AKT3: variants seen among roughly 807,000 people sequenced by gnomAD.
The protein encoded by AKT3 is RAC-gamma serine/threonine-protein kinase.
AKT3 carries 15 observed loss-of-function variants against 65.3 expected under a neutral mutation model. The ratio of observed to expected loss-of-function variants is 0.23; its 90% CI spans 0.15 to 0.35. AKT3 has a LOEUF of 0.35. Among genes scored for constraint, AKT3 ranks in the 10% least tolerant of loss-of-function variants. The probability of loss-of-function intolerance (pLI) is 1.00; values close to 1 mark genes in which losing one functional copy is unlikely to be tolerated. For synonymous variants in AKT3, 206 were observed against 183.8 expected (o/e 1.12, Z -0.98); for missense variants, 243 against 576.5 (o/e 0.42, Z 5.92).
chr1:243,492,387 C>T (rs1262672434), intron 13 of AKT3, among the ~76,000 whole-genome samples: 6 of 146,670 alleles, frequency 4.1e-5, no homozygotes, highest in African/African-American at 1.0e-4. Flanking sequence ...CTGCAACCTC[C>T]GCCTCCCGGC....
intron 1 of AKT3, among the ~76,000 whole-genome samples, chr1:243,849,367 AC>A (rs1695652949): frequency 6.7e-6 from 1 of 148,242 alleles, no homozygotes; most frequent in Admixed American, 6.7e-5. Flanking sequence ...CAAGCACGTT[AC>A]CCACCTCCCA....
chr1:243,498,896 G>T (rs756862792), downstream of AKT3, among the ~76,000 whole-genome samples: 11 of 152,236 alleles, frequency 7.2e-5, no homozygotes, highest in Non-Finnish European at 1.3e-4. Flanking sequence ...TTTATCTGAC[G>T]TAGAAACCGG....
chr1:243,561,778 C>A (rs1286504000), intron 10 of AKT3, among the ~76,000 whole-genome samples: 1 of 152,156 alleles, frequency 6.6e-6, no homozygotes, highest in Non-Finnish European at 1.5e-5. Flanking sequence ...ACCTTTGCAA[C>A]AGGTACCATC....
intron 6 of AKT3, among the ~76,000 whole-genome samples, chr1:243,620,523 CTTTT>C (rs986707716): frequency 4.9e-5 from 6 of 122,476 alleles, no homozygotes; most frequent in African/African-American, 1.3e-4. Context: ...GCAATGTATA[CTTTT>C]TTTTTTCCTG....
At chr1:243,850,616 T>G (rs912555462), upstream of AKT3, among the ~76,000 whole-genome samples, 1 of 149,894 alleles carries the variant, frequency 6.7e-6, no homozygotes, top group Non-Finnish European at 1.5e-5. Flanking sequence ...CGGGGCTTGT[T>G]GTTGACTTTG....
At chr1:243,680,408 G>A (rs1364188885) in intron 3 of AKT3, among the ~76,000 whole-genome samples, 1 of 151,914 alleles carries the variant, frequency 6.6e-6, no homozygotes, top group African/African-American at 2.4e-5. Context: ...TTCCAAACAG[G>A]CACCCTAGTC....
intron 2 of AKT3, among the ~76,000 whole-genome samples, chr1:243,724,636 G>C (rs533474806): frequency 6.6e-6 from 1 of 152,058 alleles, no homozygotes; most frequent in African/African-American, 2.4e-5. Context: ...AGACCCACAA[G>C]TTCTAATTTC....
chr1:243,490,810 C>G (rs1574390514), intron 13 of AKT3, among the ~76,000 whole-genome samples: 2 of 152,344 alleles, frequency 1.3e-5, no homozygotes, highest in East Asian at 1.9e-4. Context: ...CTCCCCTCTG[C>G]TTTCAGGATG....
intron 2 of AKT3, among the ~76,000 whole-genome samples, chr1:243,728,784 G>A (rs1327601186): frequency 6.6e-6 from 1 of 152,192 alleles, no homozygotes; most frequent in African/African-American, 2.4e-5. Flanking sequence ...GGACTCTAAG[G>A]CAAGAGTCAT....
At chr1:243,699,192 T>G (rs1685257739) in intron 2 of AKT3, among the ~76,000 whole-genome samples, 1 of 151,994 alleles carries the variant, frequency 6.6e-6, no homozygotes, top group Non-Finnish European at 1.5e-5. Flanking sequence ...AAACACAGAA[T>G]TTGCATCTAA....
intron 3 of AKT3, among the ~76,000 whole-genome samples, chr1:243,681,434 T>C (rs1683911016): frequency 6.6e-6 from 1 of 152,166 alleles, no homozygotes. Context: ...ACTCTACAGA[T>C]GACAAAATTC....
chr1:243,682,655 C>G (rs1414402385), intron 3 of AKT3, among the ~76,000 whole-genome samples: 2 of 152,120 alleles, frequency 1.3e-5, no homozygotes, highest in Admixed American at 6.6e-5. Flanking sequence ...ATTTTTCACT[C>G]TATACAGGGA....
At chr1:243,496,210 G>A (rs1667812907), downstream of AKT3, among the ~76,000 whole-genome samples, 1 of 152,254 alleles carries the variant, frequency 6.6e-6, no homozygotes, top group South Asian at 2.1e-4. Flanking sequence ...GCTGGGCAGG[G>A]AAATGAACTT....
At chr1:243,760,511 G>T (rs1270425969) in intron 2 of AKT3, among the ~76,000 whole-genome samples, 2 of 151,946 alleles carry the variant, frequency 1.3e-5, no homozygotes, top group African/African-American at 2.4e-5. Context: ...TTCTGTATTT[G>T]CAAATTCACC....
chr1:243,598,627 A>G (rs1219279634), intron 8 of AKT3, among the ~76,000 whole-genome samples: 1 of 152,198 alleles, frequency 6.6e-6, no homozygotes, highest in Non-Finnish European at 1.5e-5. Flanking sequence ...GACTGCATCT[A>G]CAGCCGTGCC....
At chr1:243,705,478 A>C (rs1685740261) in intron 2 of AKT3, among the ~76,000 whole-genome samples, 1 of 152,188 alleles carries the variant, frequency 6.6e-6, no homozygotes, top group African/African-American at 2.4e-5. Flanking sequence ...TGACTAATCA[A>C]ATCCTTGTTC....
At chr1:243,693,688 T>C (rs1684868233) in intron 3 of AKT3, among the ~76,000 whole-genome samples, 1 of 152,164 alleles carries the variant, frequency 6.6e-6, no homozygotes, top group Non-Finnish European at 1.5e-5. Context: ...AGGTTGGAAT[T>C]TGAACTACTT....
chr1:243,750,434 C>G (rs796211243), intron 2 of AKT3, among the ~76,000 whole-genome samples: 7 of 150,728 alleles, frequency 4.6e-5, no homozygotes, highest in African/African-American at 1.7e-4. Context: ...CACACACACA[C>G]GCACGCACGC....
intron 13 of AKT3, among the ~76,000 whole-genome samples, chr1:243,506,508 G>A (rs1669676227): frequency 6.6e-6 from 1 of 152,252 alleles, no homozygotes; most frequent in Non-Finnish European, 1.5e-5. Context: ...CTGTCACTCC[G>A]AAGAGGAGGG....
Sources: gnomAD v4.1 joint callset for allele counts (sites outside exome capture counted in the v4.1 genomes callset) on GRCh38, gnomAD v4.1.1 for gene constraint, MANE v1.5 for transcripts, NCBI Gene and HGNC (gene_info 2026-07-23, HGNC 2026-07-21) for gene names.